FHIT: variants seen among roughly 807,000 people sequenced by gnomAD.
FHIT encodes fragile histidine triad diadenosine triphosphatase, also known as bis(5'-adenosyl)-triphosphatase.
FHIT carries 19 observed loss-of-function variants against 17.9 expected under a neutral mutation model. The observed-to-expected ratio is 1.06, with a 90% confidence interval of 0.74 to 1.56. The LOEUF (loss-of-function observed/expected upper bound fraction) is 1.56. Ranked by LOEUF, FHIT falls within the 40% of genes most tolerant of loss-of-function variation. FHIT has a pLI of 0.00. For missense variants in FHIT, 248 were observed against 189.2 expected, an observed-to-expected ratio of 1.31 and a Z score of -1.82; for synonymous variants, 81 against 69.7, an observed-to-expected ratio of 1.16 and a Z score of -0.81.
chr3:60,881,657 G>T (rs1704986014), intron 3 of FHIT, among the ~76,000 whole-genome samples: 1 of 151,968 alleles, frequency 6.6e-6, no homozygotes, highest in African/African-American at 2.4e-5. Context: ...AATACAACAT[G>T]CTCCTGTATA....
intron 5 of FHIT, among the ~76,000 whole-genome samples, chr3:60,240,131 T>C (rs1016074081): frequency 6.6e-6 from 1 of 152,122 alleles, no homozygotes; most frequent in African/African-American, 2.4e-5. Context: ...TCAATATCAA[T>C]ATGCATCTCC....
intron 5 of FHIT, among the ~76,000 whole-genome samples, chr3:60,453,776 C>T (rs772540411): frequency 3.9e-5 from 6 of 151,984 alleles, no homozygotes; most frequent in Admixed American, 6.6e-5. Flanking sequence ...CAGCAGCTAC[C>T]GAATGATAAT....
At chr3:60,588,736 C>G (rs2037986506) in intron 4 of FHIT, among the ~76,000 whole-genome samples, 1 of 152,002 alleles carries the variant, frequency 6.6e-6, no homozygotes, top group Non-Finnish European at 1.5e-5. Flanking sequence ...ACAGCCTCAA[C>G]CTCTCAAGCT....
At chr3:59,955,292 C>T (rs993629640) in intron 7 of FHIT, among the ~76,000 whole-genome samples, 5 of 152,188 alleles carry the variant, frequency 3.3e-5, no homozygotes, top group Admixed American at 6.5e-5. Context: ...CAAAACACCC[C>T]GGCACCGGCT....
At chr3:59,989,197 A>G (rs1709119178) in intron 7 of FHIT, among the ~76,000 whole-genome samples, 1 of 152,034 alleles carries the variant, frequency 6.6e-6, no homozygotes, top group South Asian at 2.1e-4. Flanking sequence ...TCTCATTTCA[A>G]GCCAGGCTCC....
At chr3:60,040,336 G>C (rs1296943817) in intron 5 of FHIT, among the ~76,000 whole-genome samples, 1 of 151,900 alleles carries the variant, frequency 6.6e-6, no homozygotes, top group African/African-American at 2.4e-5. Flanking sequence ...AGTAGAGACG[G>C]GGTTTCACCA....
At chr3:60,216,959 A>G (rs1703724321) in intron 5 of FHIT, among the ~76,000 whole-genome samples, 1 of 152,174 alleles carries the variant, frequency 6.6e-6, no homozygotes, top group Non-Finnish European at 1.5e-5. Flanking sequence ...GACAGATTCC[A>G]TTTTATCCAA....
intron 3 of FHIT, among the ~76,000 whole-genome samples, chr3:60,949,216 T>C (rs1477376105): frequency 1.3e-5 from 2 of 152,122 alleles, no homozygotes; most frequent in Admixed American, 6.6e-5. Context: ...CCCTACCAAA[T>C]ACCACACCAA....
chr3:61,234,008 A>T (rs1400837691), intron 1 of FHIT, among the ~76,000 whole-genome samples: 6 of 152,252 alleles, frequency 3.9e-5, no homozygotes, highest in Admixed American at 3.9e-4. Context: ...AAGCTGACAT[A>T]GTAACCTATT....
chr3:59,911,397 C>T (rs1232079450), intron 8 of FHIT, among the ~76,000 whole-genome samples: 1 of 152,114 alleles, frequency 6.6e-6, no homozygotes, highest in Non-Finnish European at 1.5e-5. Context: ...AGACACAGTT[C>T]CATACATGAA....
At position 60,361,733 on chromosome 3, in the gene FHIT, G is replaced by C. The variant is rs543584544; in HGVS notation, c.103+175127C>G. Among the ~76,000 whole-genome samples the C allele has an allele frequency of 9.9e-5, 15 of 152,240 alleles. No individual in the cohort carries two copies. In the South Asian group the frequency reaches 3.1e-3, roughly 32 times the overall value. On this transcript the variant is annotated intron_variant, in intron 5 of 9. Coordinates refer to ENST00000492590, the MANE Select transcript of FHIT (RefSeq NM_002012.4). Reference sequence around the variant, plus strand: ...ACAGATTTTACCCCTCAATGACAGTGAACACAGAACTTAGACCATTTGAAA... The same window carrying C: ...ACAGATTTTACCCCTCAATGACAGTCAACACAGAACTTAGACCATTTGAAA...
At chr3:60,444,065 T>G (rs1176007309) in intron 5 of FHIT, among the ~76,000 whole-genome samples, 1 of 152,100 alleles carries the variant, frequency 6.6e-6, no homozygotes, top group Non-Finnish European at 1.5e-5. Context: ...AAGAAGACAT[T>G]TATGCAGCCA....
chr3:60,808,170 T>C lies in FHIT; in HGVS notation c.-18+13749A>G, dbSNP rs993792145. Among the ~76,000 whole-genome samples the C allele has an allele frequency of 3.9e-5, 6 of 152,254 alleles. No individual in the cohort carries two copies. The South Asian group carries it at 8.3e-4, about 21-fold the overall frequency. On this transcript the variant is annotated intron_variant, in intron 4 of 9. Transcript: ENST00000492590. ...AATTTGCCTTGTCATTCTCATCTGA[T>C]GCTCATTAATAGTCCCAACTTTTAT...
At chr3:61,242,887 C>A (rs371673864) in intron 1 of FHIT, among the ~76,000 whole-genome samples, 8 of 152,268 alleles carry the variant, frequency 5.3e-5, no homozygotes, top group African/African-American at 1.9e-4. Context: ...GGAAAAATAT[C>A]TCCAGCACCA....
intron 2 of FHIT, among the ~76,000 whole-genome samples, chr3:61,150,353 G>T (rs947127551): frequency 6.6e-6 from 1 of 151,974 alleles, no homozygotes; most frequent in Admixed American, 6.6e-5. Flanking sequence ...TTAAGAGATG[G>T]AGTCTCCCTA....
chr3:60,136,834 T>G (rs771193911), intron 5 of FHIT, among the ~76,000 whole-genome samples: 1 of 151,474 alleles, frequency 6.6e-6, no homozygotes, highest in South Asian at 2.1e-4. Context: ...TTCTATTTTA[T>G]ACAAACATGC....
intron 2 of FHIT, among the ~76,000 whole-genome samples, chr3:61,145,305 TATTGA>T (rs2037194752): frequency 6.6e-6 from 1 of 152,142 alleles, no homozygotes; most frequent in African/African-American, 2.4e-5. Flanking sequence ...ATATTTCTCC[TATTGA>T]ATTGTCTTGG....
chr3:60,979,711 C>G (rs1360100141), intron 3 of FHIT, among the ~76,000 whole-genome samples: 1 of 152,174 alleles, frequency 6.6e-6, no homozygotes, highest in East Asian at 1.9e-4. Flanking sequence ...CAACTCATGA[C>G]AAGAATCATT....
chr3:60,531,415 A>G (rs2035779699), intron 5 of FHIT, among the ~76,000 whole-genome samples: 1 of 151,080 alleles, frequency 6.6e-6, no homozygotes, highest in South Asian at 2.1e-4. Flanking sequence ...AGTAGCTGGG[A>G]CTACAGGCGC....
Sources: gnomAD v4.1 joint callset for allele counts (sites outside exome capture counted in the v4.1 genomes callset) on GRCh38, gnomAD v4.1.1 for gene constraint, MANE v1.5 for transcripts, NCBI Gene and HGNC (gene_info 2026-07-23, HGNC 2026-07-21) for gene names.